OPN3: variants seen among roughly 807,000 people sequenced by gnomAD.
The protein encoded by OPN3 is opsin-3.
OPN3 carries 29 observed loss-of-function variants against 33.8 expected under a neutral mutation model. That is an observed-to-expected ratio of 0.86 (90% CI 0.64 to 1.17). The LOEUF (loss-of-function observed/expected upper bound fraction) is 1.17. Ranked by LOEUF, OPN3 falls within the 50% of genes most tolerant of loss-of-function variation. OPN3 has a pLI of 0.00. For missense variants in OPN3, 437 were observed against 514.1 expected, an observed-to-expected ratio of 0.85 and a Z score of 1.45; for synonymous variants, 216 against 216.1, an observed-to-expected ratio of 1.00 and a Z score of 0.00.
chr1:241,594,290 TG>T lies in OPN3; in HGVS notation c.*137del. Reference sequence around the variant, plus strand: ...CCTCTTCCTGAGGCCCAAGAGCATATGGGCAATTCGGATTTCCTGCTGGACC... The same window carrying T: ...CCTCTTCCTGAGGCCCAAGAGCATATGGCAATTCGGATTTCCTGCTGGACC... On this transcript the variant is annotated 3_prime_UTR_variant, in exon 4 of 4. Coordinates refer to ENST00000366554, the MANE Select transcript of OPN3 (RefSeq NM_014322.3). The T allele has an allele frequency of 2.2e-6, 2 of 925,346 alleles. No individual in the cohort carries two copies. Among genetic ancestry groups the T allele is most frequent in the East Asian group, 2.4e-5 (1 of 41,000 alleles). 57.3% of individuals were successfully genotyped at this position (925,346 alleles called of 1,614,324 possible).
chr1:241,611,357 C>T (rs902626362), intron 1 of OPN3, among the ~76,000 whole-genome samples: 2 of 151,932 alleles, frequency 1.3e-5, no homozygotes, highest in Non-Finnish European at 2.9e-5. Flanking sequence ...CTTCAAGGAG[C>T]ACATAATCCA....
At chr1:241,611,426 G>T (rs1663990073) in intron 1 of OPN3, among the ~76,000 whole-genome samples, 1 of 151,096 alleles carries the variant, frequency 6.6e-6, no homozygotes. Flanking sequence ...CCCAACTCAG[G>T]GTATTTTCTG....
intron 1 of OPN3, among the ~76,000 whole-genome samples, chr1:241,639,659 C>A (rs1409798471): frequency 1.4e-5 from 2 of 142,498 alleles, no homozygotes; most frequent in East Asian, 2.1e-4. Flanking sequence ...TCCTGGACAG[C>A]GTGGGGCGGG....
chr1:241,611,462 G>A (rs1336531926), intron 1 of OPN3, among the ~76,000 whole-genome samples: 3 of 142,172 alleles, frequency 2.1e-5, no homozygotes, highest in African/African-American at 8.0e-5. Context: ...ACCTGAGTGA[G>A]TCTTAAAGAT....
At chr1:241,606,289 A>G (rs1384814656) in intron 1 of OPN3, among the ~76,000 whole-genome samples, 1 of 152,166 alleles carries the variant, frequency 6.6e-6, no homozygotes, top group African/African-American at 2.4e-5. Context: ...TATACCTGTA[A>G]TCTCAGCACT....
chr1:241,612,044 G>T (rs576430312), intron 1 of OPN3, among the ~76,000 whole-genome samples: 20 of 152,292 alleles, frequency 1.3e-4, no homozygotes, highest in African/African-American at 4.8e-4. Flanking sequence ...CAAGTCTTGG[G>T]TTACTGGTTT....
rs773799380 is a variant in OPN3 at position 241,634,752 on chromosome 1, C to T, written c.373+5130G>A. 7 of 1,613,810 alleles carry T rather than the reference C, an allele frequency of 4.3e-6. No individual in the cohort carries two copies. Among genetic ancestry groups the T allele is most frequent in the African/African-American group, 4.0e-5 (3 of 74,874 alleles). On this transcript the variant is annotated intron_variant, in intron 1 of 3. Coordinates refer to ENST00000366554, the MANE Select transcript of OPN3 (RefSeq NM_014322.3). ...GATGTCATTGCAATTGAGTGCAGTA[C>T]AAAATGTTGAAGGTTGGGAGTTAGT...
At chr1:241,636,183 C>A in intron 1 of OPN3, 2 of 402,774 alleles carry the variant, frequency 5.0e-6, no homozygotes, top group Non-Finnish European at 8.8e-6. Context: ...TGGACATAAA[C>A]CTCTACTAAA....
intron 1 of OPN3, among the ~76,000 whole-genome samples, chr1:241,612,986 G>A (rs1664036981): frequency 6.6e-6 from 1 of 152,180 alleles, no homozygotes; most frequent in Non-Finnish European, 1.5e-5. Context: ...TTACCGTGCA[G>A]CGGGCATACC....
chr1:241,615,748 C>T, intron 1 of OPN3: 1 of 432,542 alleles, frequency 2.3e-6, no homozygotes, highest in South Asian at 1.6e-5. Context: ...CTCACAAGCT[C>T]CTACTCCCAA....
intron 3 of OPN3, among the ~76,000 whole-genome samples, chr1:241,596,775 A>C (rs1486833187): frequency 1.3e-5 from 2 of 152,164 alleles, no homozygotes; most frequent in African/African-American, 4.8e-5. Context: ...CCTAGCCATG[A>C]CTCATAGCCA....
intron 1 of OPN3, chr1:241,616,002 A>G (rs1664115113): frequency 6.6e-6 from 3 of 456,294 alleles, no homozygotes; most frequent in African/African-American, 6.0e-5. Flanking sequence ...AGACAGGAAG[A>G]AGCCAGAGAT....
chr1:241,617,125 C>T (rs185975663), intron 1 of OPN3, among the ~76,000 whole-genome samples: 3 of 152,112 alleles, frequency 2.0e-5, no homozygotes, highest in African/African-American at 7.2e-5. Flanking sequence ...AAAGTCTCAT[C>T]GTCCCCATTT....
In OPN3 at chr1:241,639,999, T is replaced by C; in HGVS notation, c.256A>G (p.Ser86Gly). Residue 86 changes from serine (S) to glycine (G), a missense_variant, in exon 1 of 4, where the codon AGC becomes GGC. By Grantham distance (56) the Ser-to-Gly change is moderately conservative. Transcript: ENST00000366554. ...THLLLVNISL[S>G]DLLVSLFGVT... is the part of the protein sequence containing the mutation. ...CCGAAGAGGGACACCAGCAGGTCGC[T>C]GAGGCTGATGTTGACCAGGAGGAGG... 18 of 1,613,022 alleles carry C rather than the reference T, an allele frequency of 1.1e-5. No homozygotes were observed. The South Asian group carries it at 1.2e-4, about 11-fold the overall frequency.
At chr1:241,633,818 G>C in intron 1 of OPN3, 1 of 1,613,722 alleles carries the variant, frequency 6.2e-7, no homozygotes, top group Non-Finnish European at 8.5e-7. Flanking sequence ...GTGCTTCTCT[G>C]GGCTTTCTAG....
intron 3 of OPN3, among the ~76,000 whole-genome samples, chr1:241,596,641 T>C (rs1320071282): frequency 6.6e-6 from 1 of 152,240 alleles, no homozygotes; most frequent in East Asian, 1.9e-4. Context: ...GTGATTATTA[T>C]TGCCTGTTAT....
chr1:241,612,047 A>G (rs1193508406), intron 1 of OPN3, among the ~76,000 whole-genome samples: 1 of 152,228 alleles, frequency 6.6e-6, no homozygotes, highest in African/African-American at 2.4e-5. Flanking sequence ...GTCTTGGGTT[A>G]CTGGTTTGTT....
At chr1:241,626,625 C>G (rs1156916713) in intron 1 of OPN3, among the ~76,000 whole-genome samples, 1 of 152,142 alleles carries the variant, frequency 6.6e-6, no homozygotes, top group Non-Finnish European at 1.5e-5. Context: ...TACATTCCCC[C>G]AAATTTTTCC....
chr1:241,612,595 C>T (rs769363961), intron 1 of OPN3, among the ~76,000 whole-genome samples: 1 of 152,162 alleles, frequency 6.6e-6, no homozygotes, highest in Non-Finnish European at 1.5e-5. Flanking sequence ...GACCTGCTTC[C>T]TCATAGCTGT....
Sources: gnomAD v4.1 joint callset for allele counts (sites outside exome capture counted in the v4.1 genomes callset) on GRCh38, gnomAD v4.1.1 for gene constraint, MANE v1.5 for transcripts, NCBI Gene and HGNC (gene_info 2026-07-23, HGNC 2026-07-21) for gene names.